Variants in SOX5 observed in about 807,000 individuals in gnomAD.
SOX5 encodes the protein SRY-box transcription factor 5, also known as transcription factor SOX-5.
SOX5 carries 9 observed loss-of-function variants against 92.0 expected under a neutral mutation model. The ratio of observed to expected loss-of-function variants is 0.10; its 90% CI spans 0.06 to 0.17. The LOEUF is 0.17. Among genes scored for constraint, SOX5 ranks in the 10% least tolerant of loss-of-function variants. SOX5 has a pLI of 1.00. For missense variants in SOX5, 642 were observed against 944.5 expected, an observed-to-expected ratio of 0.68 and a Z score of 4.20; for synonymous variants, 344 against 336.3, an observed-to-expected ratio of 1.02 and a Z score of -0.25.
intron 6 of SOX5, among the ~76,000 whole-genome samples, chr12:23,670,575 A>G (rs531311542): frequency 3.2e-4 from 48 of 152,256 alleles, no homozygotes; most frequent in Middle Eastern, 6.8e-3. Flanking sequence ...TGAGAGTGGC[A>G]TCTCATCCTC....
At chr12:24,009,797 G>A (rs1305698009) in intron 4 of SOX5, among the ~76,000 whole-genome samples, 2 of 152,112 alleles carry the variant, frequency 1.3e-5, no homozygotes, top group African/African-American at 2.4e-5. Flanking sequence ...GTTTAAATCT[G>A]TGCTTGGTCA....
intron 11 of SOX5, among the ~76,000 whole-genome samples, chr12:23,553,239 G>T (rs572222775): frequency 6.6e-6 from 1 of 152,052 alleles, no homozygotes; most frequent in Non-Finnish European, 1.5e-5. Flanking sequence ...GACATATTTT[G>T]TGAAGAGACT....
intron 4 of SOX5, among the ~76,000 whole-genome samples, chr12:24,064,733 C>T (rs1184009090): frequency 6.6e-6 from 1 of 152,108 alleles, no homozygotes; most frequent in Non-Finnish European, 1.5e-5. Context: ...TCCTGTCATG[C>T]AGCAGAAGCT....
In SOX5 at chr12:24,100,928, T is replaced by G. The variant is rs556195018; in HGVS notation, c.-2+112415A>C. Reference sequence around the variant, plus strand: ...AGTCATGTCGGTTTTACCCTCATAATAAGCATTAATATCCACATTTTTCTC... The same window carrying G: ...AGTCATGTCGGTTTTACCCTCATAAGAAGCATTAATATCCACATTTTTCTC... On this transcript the variant is annotated intron_variant, in intron 4 of 4. Coordinates refer to the SOX5 transcript ENST00000446891. Among the ~76,000 whole-genome samples the G allele has an allele frequency of 2.0e-5, 3 of 152,258 alleles. No homozygotes were observed. The East Asian group carries it at 5.8e-4, about 29-fold the overall frequency.
At chr12:23,739,630 C>G (rs902068837) in intron 5 of SOX5, among the ~76,000 whole-genome samples, 1 of 151,628 alleles carries the variant, frequency 6.6e-6, no homozygotes, top group African/African-American at 2.4e-5. Context: ...AAGCCAGTAT[C>G]TCCCAAAGAT....
At chr12:24,421,633 C>T (rs1965931347) in intron 1 of SOX5, among the ~76,000 whole-genome samples, 3 of 152,166 alleles carry the variant, frequency 2.0e-5, no homozygotes, top group African/African-American at 7.2e-5. Context: ...AAAGATTCCT[C>T]TGCTCTCAGT....
chr12:23,602,973 A>C (rs772789475), intron 9 of SOX5, among the ~76,000 whole-genome samples: 1 of 152,134 alleles, frequency 6.6e-6, no homozygotes, highest in African/African-American at 2.4e-5. Flanking sequence ...AGATCTTCAA[A>C]GTGGCATATG....
At chr12:23,682,941 C>CCATT (rs1167142987) in intron 6 of SOX5, among the ~76,000 whole-genome samples, 2 of 151,766 alleles carry the variant, frequency 1.3e-5, no homozygotes, top group African/African-American at 4.8e-5. Context: ...CATTTGTCAC[C>CCATT]TGACTTCTTG....
intron 2 of SOX5, among the ~76,000 whole-genome samples, chr12:24,306,902 A>G (rs1948632571): frequency 6.6e-6 from 1 of 152,164 alleles, no homozygotes; most frequent in South Asian, 2.1e-4. Context: ...GACACTGGGC[A>G]GCCTGTTCCC....
In SOX5 at chr12:24,325,155, TA is replaced by T. The variant is rs938025227; in HGVS notation, c.-174+43407del. Among the ~76,000 whole-genome samples the T allele has an allele frequency of 6.2e-3, 900 of 146,246 alleles. 6 individuals carry two copies. The highest frequency in any genetic ancestry group is 0.02 in the African/African-American group (788 of 39,972). On this transcript the variant is annotated intron_variant, in intron 2 of 4. Transcript: ENST00000446891. ...TAAAAAATTATTTGTAAAAATAAGT[TA>T]AAAAAAAAACCCTAAAAAAGAAAGA...
intron 8 of SOX5, among the ~76,000 whole-genome samples, chr12:23,612,852 T>A (rs2137803009): frequency 6.6e-6 from 1 of 152,324 alleles, no homozygotes; most frequent in East Asian, 1.9e-4. Context: ...CAAGGCTCCA[T>A]AAGTGTTATC....
intron 1 of SOX5, among the ~76,000 whole-genome samples, chr12:24,396,625 T>C (rs1960057212): frequency 6.6e-6 from 1 of 151,470 alleles, no homozygotes. Context: ...AAGTCGTCCA[T>C]TGACACACAT....
intron 11 of SOX5, among the ~76,000 whole-genome samples, chr12:23,554,859 G>C (rs1944848501): frequency 6.6e-6 from 1 of 152,100 alleles, no homozygotes; most frequent in African/African-American, 2.4e-5. Context: ...ACTAAATATA[G>C]AGAGTAACTG....
intron 4 of SOX5, among the ~76,000 whole-genome samples, chr12:24,117,241 G>A (rs1948111942): frequency 6.6e-6 from 1 of 152,124 alleles, no homozygotes; most frequent in East Asian, 1.9e-4. Context: ...TCAGGGAAAT[G>A]TAAATTAAAA....
intron 4 of SOX5, among the ~76,000 whole-genome samples, chr12:23,965,545 T>C (rs1331134733): frequency 6.6e-6 from 1 of 152,114 alleles, no homozygotes; most frequent in African/African-American, 2.4e-5. Context: ...ATACTCAGAT[T>C]GTGATAACCA....
At chr12:23,793,093 C>T (rs1431699471) in intron 3 of SOX5, among the ~76,000 whole-genome samples, 3 of 152,120 alleles carry the variant, frequency 2.0e-5, no homozygotes, top group Non-Finnish European at 4.4e-5. Flanking sequence ...TAAGGATTTT[C>T]GAACTTCCTC....
At chr12:24,505,523 T>C (rs1443596498) in intron 1 of SOX5, among the ~76,000 whole-genome samples, 2 of 152,146 alleles carry the variant, frequency 1.3e-5, no homozygotes. Context: ...ATAAGATAGA[T>C]AAACATAATC....
At chr12:23,797,038 G>A (rs1422889365) in intron 3 of SOX5, among the ~76,000 whole-genome samples, 1 of 151,154 alleles carries the variant, frequency 6.6e-6, no homozygotes, top group Non-Finnish European at 1.5e-5. Flanking sequence ...CAAAACACGA[G>A]TCCATCTCCA....
At chr12:23,610,601 T>C (rs554122107) in intron 8 of SOX5, among the ~76,000 whole-genome samples, 44 of 152,268 alleles carry the variant, frequency 2.9e-4, no homozygotes, top group Middle Eastern at 3.4e-3. Context: ...ATAGTGACTA[T>C]ACATAAAACA....
Sources: gnomAD v4.1 joint callset for allele counts (sites outside exome capture counted in the v4.1 genomes callset) on GRCh38, gnomAD v4.1.1 for gene constraint, MANE v1.5 for transcripts, NCBI Gene and HGNC (gene_info 2026-07-23, HGNC 2026-07-21) for gene names.